Variants in PCSK1 observed in about 807,000 individuals in gnomAD.
PCSK1 encodes proprotein convertase subtilisin/kexin type 1.
Under a neutral mutation model 90.6 loss-of-function variants are expected in PCSK1, and 56 were observed. The ratio of observed to expected loss-of-function variants is 0.62; its 90% CI spans 0.50 to 0.77. The LOEUF is 0.77. Ranked by LOEUF, PCSK1 falls within the 30% of genes least tolerant of loss-of-function variation. The pLI is 0.00. For synonymous variants in PCSK1, 348 were observed against 342.4 expected (o/e 1.02, Z -0.18); for missense variants, 801 against 932.6 (o/e 0.86, Z 1.84).
chr5:96,431,726 A>G (rs980809979), intron 1 of PCSK1, among the ~76,000 whole-genome samples: 4 of 152,168 alleles, frequency 2.6e-5, no homozygotes, highest in Non-Finnish European at 5.9e-5. Flanking sequence ...AATTCCCCAG[A>G]GGGTTCGGTC....
In PCSK1 at chr5:96,412,440, T is replaced by C. The variant is rs779122202; in HGVS notation, c.760A>G (p.Ile254Val). 5.6e-6 allele frequency: 9 copies of C among 1,613,954 alleles called. No homozygotes were observed. Among genetic ancestry groups the C allele is most frequent in the East Asian group, 2.2e-5 (1 of 44,896 alleles). The change falls in exon 7 of 14, where the codon ATT (isoleucine) becomes GTT (valine). Residue 254 changes from isoleucine (I) to valine (V), a missense_variant. Coordinates refer to ENST00000311106, the MANE Select transcript of PCSK1 (RefSeq NM_000439.5). ...IVTDAIEASS[I>V]GFNPGHVDIY... ...TCCACGTGTCCAGGATTGAATCCAA[T>C]TGAACTGGCCTCAATAGCATCCGTC...
At position 96,425,866 on chromosome 5, in the gene PCSK1, G is replaced by A. The variant is rs1761290355; in HGVS notation, c.350C>T (p.Ala117Val). The A allele has an allele frequency of 6.2e-7, 1 of 1,611,666 alleles. No individual in the cohort carries two copies. Among genetic ancestry groups the A allele is most frequent in the African/African-American group, 1.3e-5 (1 of 74,882 alleles). ...CATGGGATCATTGAAGAGATTTAGTGCTGAGTCCCTTAGAGCTGAACGTTT... is the reference window on the plus strand; with the variant it reads ...CATGGGATCATTGAAGAGATTTAGTACTGAGTCCCTTAGAGCTGAACGTTT... Reference protein sequence around the residue: ...RSKRSALRDSALNLFNDPMWN... With the variant: ...RSKRSALRDSVLNLFNDPMWN... The change falls in exon 3 of 14, where the codon GCA becomes GTA. Residue 117 changes from alanine to valine, a missense_variant. Transcript: ENST00000311106.
At position 96,391,424 on chromosome 5, in the gene PCSK1, T is replaced by C. The variant is rs568954132; in HGVS notation, c.*1577A>G. 4.6e-5 allele frequency: 7 copies of C among 152,214 alleles called. No homozygotes were observed. Among genetic ancestry groups the C allele is most frequent in the African/African-American group, 7.2e-5 (3 of 41,456 alleles). 9.4% of individuals were successfully genotyped at this position (152,214 alleles called of 1,614,324 possible). A position where few individuals can be genotyped will look rare whatever the true frequency, so the allele number is the denominator to read the frequency against. ...GCATTGTAGGTGACTGGAGACTTTG[T>C]AAGCATATTGAGAGAAGGAAGCCAG... On this transcript the variant is annotated 3_prime_UTR_variant, in exon 14 of 14. Transcript: ENST00000311106.
At chr5:96,432,281 G>A (rs1761531256) in intron 1 of PCSK1, 3 of 681,762 alleles carry the variant, frequency 4.4e-6, no homozygotes, top group Admixed American at 2.6e-5. Flanking sequence ...AGCTTCCCAG[G>A]CTACTCCGCG....
At chr5:96,423,208 G>A (rs1421601661) in intron 4 of PCSK1, 105 bp downstream of exon 4, 6 of 1,119,228 alleles carry the variant, frequency 5.4e-6, no homozygotes, top group Non-Finnish European at 6.6e-6. Flanking sequence ...CATAATCCCA[G>A]GGACTGACAC....
chr5:96,429,209 T>C lies in PCSK1; in HGVS notation c.285+4A>G. Reference sequence around the variant, plus strand: ...TGGTTTGAAGACAAATGTACAACACTTACACGATCATCATCAGATAATCTC... The same window carrying C: ...TGGTTTGAAGACAAATGTACAACACCTACACGATCATCATCAGATAATCTC... On this transcript the variant is annotated splice_donor_region_variant and intron_variant, in intron 2 of 13. Coordinates refer to ENST00000311106, the MANE Select transcript of PCSK1 (RefSeq NM_000439.5). The C allele has an allele frequency of 7.1e-7, 1 of 1,410,796 alleles. No individual in the cohort carries two copies. The highest frequency in any genetic ancestry group is 1.0e-6 in the Non-Finnish European group (1 of 994,830). 87.4% of individuals were successfully genotyped at this position (1,410,796 alleles called of 1,614,324 possible).
At position 96,433,162 on chromosome 5, in the gene PCSK1, GT is replaced by G. The variant is rs1208411451; in HGVS notation, c.-121del. Reference sequence around the variant, plus strand: ...GGCTCTAGACCACTCCTGGCTCCTGGTTGCTCTGCGAAGAGCTAGGAGGCGC... The same window carrying G: ...GGCTCTAGACCACTCCTGGCTCCTGGTGCTCTGCGAAGAGCTAGGAGGCGC... On this transcript the variant is annotated 5_prime_UTR_variant, in exon 1 of 14. Coordinates refer to ENST00000311106, the MANE Select transcript of PCSK1 (RefSeq NM_000439.5). The G allele has an allele frequency of 9.3e-6, 9 of 962,766 alleles. No individual in the cohort carries two copies. Among genetic ancestry groups the G allele is most frequent in the Non-Finnish European group, 1.5e-5 (9 of 606,018 alleles). The allele number at this position is 962,766 out of a possible 1,614,324, so 59.6% of individuals were successfully genotyped here.
intron 13 of PCSK1, 51 bp from the exon 14 acceptor site, chr5:96,393,429 C>G: frequency 1.2e-6 from 2 of 1,607,132 alleles, no homozygotes; most frequent in Non-Finnish European, 1.7e-6. Flanking sequence ...TTATTTATGG[C>G]CAGGCAAGCT....
chr5:96,398,765 C>T, intron 11 of PCSK1, 114 bp downstream of exon 11: 1 of 901,386 alleles, frequency 1.1e-6, no homozygotes, highest in Non-Finnish European at 1.8e-6. Flanking sequence ...TTTTTTAAGA[C>T]CTGAAAATAT....
chr5:96,421,063 G>C (rs74668309), intron 5 of PCSK1, among the ~76,000 whole-genome samples: 4 of 152,192 alleles, frequency 2.6e-5, no homozygotes, highest in African/African-American at 9.7e-5. Context: ...ATCGGTATGA[G>C]CAAAGATGGT....
intron 6 of PCSK1, among the ~76,000 whole-genome samples, chr5:96,413,518 A>G (rs155439): frequency 0.63 from 95,842 of 152,036 alleles, 30,425 homozygotes; most frequent in Non-Finnish European, 0.66. Context: ...ATGCATTTAG[A>G]GCCAGGCGCA....
At chr5:96,422,123 C>T (rs1561374687) in intron 4 of PCSK1, among the ~76,000 whole-genome samples, 167 bp from the exon 5 acceptor site, 2 of 150,716 alleles carry the variant, frequency 1.3e-5, no homozygotes, top group Non-Finnish European at 3.0e-5. Context: ...ATTTATTTTA[C>T]TCACAAACCA....
intron 11 of PCSK1, 68 bp downstream of exon 11, chr5:96,398,811 C>G: frequency 8.2e-7 from 1 of 1,214,360 alleles, no homozygotes; most frequent in Non-Finnish European, 1.2e-6. Flanking sequence ...TAAACAAAAG[C>G]AATCAGTTAT....
chr5:96,432,744 G>A, intron 1 of PCSK1, 119 bp downstream of exon 1: 1 of 783,424 alleles, frequency 1.3e-6, no homozygotes, highest in Non-Finnish European at 2.2e-6. Flanking sequence ...GCAGCTCCTT[G>A]CTCTTTGCTA....
At chr5:96,404,023 C>T (rs1428464156) in intron 9 of PCSK1, among the ~76,000 whole-genome samples, 1 of 152,310 alleles carries the variant, frequency 6.6e-6, no homozygotes, top group Admixed American at 6.5e-5. Flanking sequence ...GATCTCTCCT[C>T]AGAAGGCTGA....
intron 9 of PCSK1, among the ~76,000 whole-genome samples, chr5:96,405,685 A>G (rs1760535936): frequency 6.6e-6 from 1 of 152,296 alleles, no homozygotes; most frequent in Non-Finnish European, 1.5e-5. Flanking sequence ...AGAAAAAGAA[A>G]AGGAAAGGAT....
chr5:96,428,004 G>GTT (rs1463473985), intron 2 of PCSK1, among the ~76,000 whole-genome samples: 1 of 152,180 alleles, frequency 6.6e-6, no homozygotes, highest in Non-Finnish European at 1.5e-5. Context: ...AGAGCTAGCA[G>GTT]TGGGTGTAGA....
chr5:96,410,876 G>A lies in PCSK1; in HGVS notation c.993C>T (p.Ile331=), dbSNP rs1314225482. ...ATAGGCCTTGCTGGGAGGCACTGCT[G>A]ATGGAGATGGTGTAGATGCTGTCTG... ...GYTDSIYTIS[I]SSASQQGLSP... The change falls in exon 8 of 14, where the codon ATC becomes ATT. Residue 331 remains isoleucine (I), a synonymous_variant. Transcript: ENST00000311106. The A allele has an allele frequency of 6.2e-6, 10 of 1,613,900 alleles. No homozygotes were observed. Among genetic ancestry groups the A allele is most frequent in the Non-Finnish European group, 6.8e-6 (8 of 1,179,880 alleles).
At chr5:96,419,310 G>GAT (rs757569748) in intron 5 of PCSK1, among the ~76,000 whole-genome samples, 4,326 of 142,132 alleles carry the variant, frequency 0.03, 158 homozygotes, top group African/African-American at 0.089. Flanking sequence ...TATTAAGTGA[G>GAT]ATATATATAT....
Sources: gnomAD v4.1 joint callset for allele counts (sites outside exome capture counted in the v4.1 genomes callset) on GRCh38, gnomAD v4.1.1 for gene constraint, MANE v1.5 for transcripts, NCBI Gene and HGNC (gene_info 2026-07-23, HGNC 2026-07-21) for gene names.